TMCO5A: variants seen among roughly 807,000 people sequenced by gnomAD.
TMCO5A encodes transmembrane and coiled-coil domains 5A.
In TMCO5A, 34 loss-of-function variants were observed where a neutral mutation model predicts 42.3. That is an observed-to-expected ratio of 0.80 (90% confidence interval 0.61 to 1.07). The LOEUF (loss-of-function observed/expected upper bound fraction) is 1.07, where lower values mean the gene tolerates loss of function less well. Ranked by LOEUF, TMCO5A falls within the 50% of genes least tolerant of loss-of-function variation. The pLI, the probability that TMCO5A is intolerant of heterozygous loss-of-function variation, is 0.00. For missense variants in TMCO5A, 357 were observed against 327.9 expected (o/e 1.09, Z -0.69); for synonymous variants, 131 against 115.6 (o/e 1.13, Z -0.86).
the TMCO5A span, among the ~76,000 whole-genome samples, chr15:38,003,396 A>C: frequency 1.3e-5 from 2 of 151,996 alleles, no homozygotes; most frequent in African/African-American, 4.8e-5. Flanking sequence ...CTGCTTGGCT[A>C]TCACCTATGT....
chr15:38,023,010 C>A, the TMCO5A span, among the ~76,000 whole-genome samples: 1 of 152,040 alleles, frequency 6.6e-6, no homozygotes, highest in South Asian at 2.1e-4. Flanking sequence ...TGTATAAGTT[C>A]CATGCAATCC....
intron 3 of TMCO5A, 43 bp from the exon 4 acceptor site, chr15:37,936,804 C>A: frequency 6.2e-7 from 1 of 1,606,804 alleles, no homozygotes; most frequent in Non-Finnish European, 8.5e-7. Flanking sequence ...AGTTCTGAAA[C>A]TGCCAAGCAT....
downstream of TMCO5A, among the ~76,000 whole-genome samples, chr15:37,953,438 A>G (rs1207858664): frequency 1.3e-5 from 2 of 152,162 alleles, no homozygotes; most frequent in Non-Finnish European, 2.9e-5. Context: ...TAATCCAAAG[A>G]ATTCTTCCAG....
chr15:37,983,536 G>A, the TMCO5A span, among the ~76,000 whole-genome samples: 11 of 152,234 alleles, frequency 7.2e-5, no homozygotes, highest in East Asian at 2.1e-3. Context: ...CCCCAACCTT[G>A]ACTACATTTA....
At chr15:37,938,418 A>C (rs938404072) in intron 6 of TMCO5A, among the ~76,000 whole-genome samples, 189 bp downstream of exon 6, 1 of 151,948 alleles carries the variant, frequency 6.6e-6, no homozygotes, top group Non-Finnish European at 1.5e-5. Context: ...TTTTAGTCTT[A>C]TTTATTGTTC....
chr15:38,029,367 C>CCACACACA, the TMCO5A span, among the ~76,000 whole-genome samples: 774 of 148,062 alleles, frequency 5.2e-3, 5 homozygotes, highest in African/African-American at 0.017. Context: ...CATGAATACA[C>CCACACACA]CACACACACA....
chr15:37,955,792 A>G (rs1890273119), downstream of TMCO5A, among the ~76,000 whole-genome samples: 1 of 152,278 alleles, frequency 6.6e-6, no homozygotes, highest in Non-Finnish European at 1.5e-5. Flanking sequence ...CAGAATATAC[A>G]TTCTTCTCAG....
intron 11 of TMCO5A, among the ~76,000 whole-genome samples, chr15:37,957,736 A>G (rs1038628829): frequency 1.3e-5 from 2 of 152,148 alleles, no homozygotes; most frequent in Non-Finnish European, 2.9e-5. Flanking sequence ...ATCAGAAAAA[A>G]CTACTTTAAA....
chr15:37,948,711 T>A (rs1393012139), intron 11 of TMCO5A, among the ~76,000 whole-genome samples: 1 of 152,090 alleles, frequency 6.6e-6, no homozygotes, highest in African/African-American at 2.4e-5. Flanking sequence ...AAACTATAAA[T>A]GTCTTTCCTC....
chr15:37,962,406 T>C (rs1043677925), intron 11 of TMCO5A, among the ~76,000 whole-genome samples: 3 of 152,166 alleles, frequency 2.0e-5, no homozygotes, highest in Non-Finnish European at 4.4e-5. Flanking sequence ...TCATGATGGA[T>C]TATCTTTTTG....
chr15:38,023,149 A>C, the TMCO5A span, among the ~76,000 whole-genome samples: 2 of 152,216 alleles, frequency 1.3e-5, no homozygotes, highest in African/African-American at 4.8e-5. Flanking sequence ...AAGCTTTACA[A>C]CAGTAATCGA....
chr15:38,001,092 T>C, the TMCO5A span, among the ~76,000 whole-genome samples: 1 of 152,176 alleles, frequency 6.6e-6, no homozygotes, highest in South Asian at 2.1e-4. Context: ...TGCTGAAAGT[T>C]GGATGTGGAA....
the TMCO5A span, among the ~76,000 whole-genome samples, chr15:37,990,745 T>C: frequency 6.6e-6 from 1 of 152,078 alleles, no homozygotes; most frequent in East Asian, 1.9e-4. Context: ...TTGATTTTTA[T>C]ATTGAAACAC....
the TMCO5A span, among the ~76,000 whole-genome samples, chr15:38,024,262 G>C: frequency 6.6e-6 from 1 of 152,176 alleles, no homozygotes; most frequent in Non-Finnish European, 1.5e-5. Context: ...TGTCGTACCT[G>C]TTCTCATGTC....
chr15:38,019,545 C>T, the TMCO5A span, among the ~76,000 whole-genome samples: 1 of 152,056 alleles, frequency 6.6e-6, no homozygotes. Flanking sequence ...TTCCTCCTAC[C>T]CGTTCACATT....
chr15:38,014,398 C>T, the TMCO5A span, among the ~76,000 whole-genome samples: 2 of 152,088 alleles, frequency 1.3e-5, no homozygotes, highest in Admixed American at 6.6e-5. Context: ...CCTTCAGCTC[C>T]CCATTCTTAA....
chr15:38,010,209 T>TAA, the TMCO5A span, among the ~76,000 whole-genome samples: 13 of 149,910 alleles, frequency 8.7e-5, no homozygotes, highest in Non-Finnish European at 1.0e-4. Flanking sequence ...CCGTCTCTAC[T>TAA]AAAAAAAATA....
chr15:38,033,150 G>A, the TMCO5A span, among the ~76,000 whole-genome samples: 6 of 151,800 alleles, frequency 4.0e-5, no homozygotes, highest in Non-Finnish European at 7.4e-5. Context: ...GGATGGTCTC[G>A]ATTTCCTGAC....
At chr15:38,008,097 A>T in the TMCO5A span, among the ~76,000 whole-genome samples, 2 of 151,428 alleles carry the variant, frequency 1.3e-5, no homozygotes, top group Admixed American at 6.6e-5. Flanking sequence ...GGGTTTCACC[A>T]TGTTAGCCGG....
Sources: allele counts gnomAD v4.1 joint callset (sites outside exome capture counted in the v4.1 genomes callset), GRCh38; gene constraint gnomAD v4.1.1; transcripts MANE v1.5; gene names NCBI Gene and HGNC (gene_info 2026-07-23, HGNC 2026-07-21).